The following PTBP3 variants were observed in gnomAD, a reference collection of about 807,000 sequenced individuals.
PTBP3 encodes the protein polypyrimidine tract binding protein 3.
PTBP3 carries 20 observed loss-of-function variants against 58.7 expected under a neutral mutation model. The observed-to-expected ratio is 0.34, with a 90% CI of 0.24 to 0.50. PTBP3 has a LOEUF of 0.50. Among genes scored for constraint, PTBP3 ranks in the 20% least tolerant of loss-of-function variants. PTBP3 has a pLI of 0.98. For synonymous variants in PTBP3, 185 were observed against 219.8 expected (o/e 0.84, Z 1.40); for missense variants, 509 against 637.2 (o/e 0.80, Z 2.17).
chr9:112,379,210 G>A, the PTBP3 span, among the ~76,000 whole-genome samples: 1 of 152,130 alleles, frequency 6.6e-6, no homozygotes, highest in African/African-American at 2.4e-5. Context: ...AAAAACAAAG[G>A]AGAGAGTACA....
chr9:112,253,230 A>G (rs2132085412), intron 5 of PTBP3, among the ~76,000 whole-genome samples: 1 of 152,356 alleles, frequency 6.6e-6, no homozygotes, highest in Middle Eastern at 3.4e-3. Flanking sequence ...AGTAAACAAA[A>G]CAGAGACAAA....
At chr9:112,326,945 T>C (rs1362818392) in intron 1 of PTBP3, among the ~76,000 whole-genome samples, 1 of 152,164 alleles carries the variant, frequency 6.6e-6, no homozygotes, top group Non-Finnish European at 1.5e-5. Context: ...TGCTTGGGTG[T>C]GGTGGCTCAC....
At chr9:112,236,997 C>T (rs1835463381) in intron 7 of PTBP3, among the ~76,000 whole-genome samples, 1 of 152,024 alleles carries the variant, frequency 6.6e-6, no homozygotes, top group South Asian at 2.1e-4. Context: ...TAAAGGACAG[C>T]AAAGTGGCTA....
chr9:112,366,544 T>G, the PTBP3 span, among the ~76,000 whole-genome samples: 1 of 152,050 alleles, frequency 6.6e-6, no homozygotes, highest in Non-Finnish European at 1.5e-5. Context: ...CAAACCCCAA[T>G]CCTCGGAAGC....
At chr9:112,246,859 G>C (rs1349126306) in intron 7 of PTBP3, among the ~76,000 whole-genome samples, 1 of 152,018 alleles carries the variant, frequency 6.6e-6, no homozygotes, top group Non-Finnish European at 1.5e-5. Context: ...ACAAGAAAAA[G>C]GATAAATTAA....
chr9:112,259,971 G>T (rs1035938300), intron 5 of PTBP3, among the ~76,000 whole-genome samples: 2 of 151,980 alleles, frequency 1.3e-5, no homozygotes, highest in Non-Finnish European at 2.9e-5. Context: ...CTGCCCAGGT[G>T]GTCTCAGCTC....
chr9:112,367,806 G>A, the PTBP3 span, among the ~76,000 whole-genome samples: 2 of 152,044 alleles, frequency 1.3e-5, no homozygotes, highest in African/African-American at 4.8e-5. Flanking sequence ...GATTCTTTGG[G>A]TTTCATGGAT....
chr9:112,292,484 T>G (rs1415070487), intron 2 of PTBP3, among the ~76,000 whole-genome samples: 4 of 152,226 alleles, frequency 2.6e-5, no homozygotes, highest in Non-Finnish European at 4.4e-5. Flanking sequence ...CCATGTTCAC[T>G]GCAGCGTTAC....
intron 2 of PTBP3, among the ~76,000 whole-genome samples, chr9:112,290,705 T>TACACACACACACACACACAC (rs1418787518): frequency 5.5e-5 from 4 of 72,986 alleles, no homozygotes; most frequent in Admixed American, 1.6e-4. Flanking sequence ...TATATATATA[T>TACACACACACACACACACAC]ATACACACAC....
chr9:112,243,345 A>T (rs1835737879), intron 7 of PTBP3, among the ~76,000 whole-genome samples: 2 of 152,148 alleles, frequency 1.3e-5, no homozygotes, highest in Admixed American at 1.3e-4. Flanking sequence ...ATTTGAGACC[A>T]GGCTGGCCAA....
chr9:112,279,675 CCTACAGATTA>C (rs1827773172), intron 2 of PTBP3, among the ~76,000 whole-genome samples: 2 of 151,920 alleles, frequency 1.3e-5, no homozygotes, highest in African/African-American at 4.8e-5. Context: ...CAATCTGAAC[CCTACAGATTA>C]CTACAGCTTT....
intron 1 of PTBP3, among the ~76,000 whole-genome samples, chr9:112,311,236 T>C (rs1168285951): frequency 6.6e-6 from 1 of 151,998 alleles, no homozygotes; most frequent in Non-Finnish European, 1.5e-5. Context: ...ACCGTATCCA[T>C]GGGTTCTGCA....
At chr9:112,378,353 T>C in the PTBP3 span, among the ~76,000 whole-genome samples, 4 of 152,382 alleles carry the variant, frequency 2.6e-5, no homozygotes, top group South Asian at 6.2e-4. Context: ...TCACAAAATA[T>C]CGTTATGACT....
intron 5 of PTBP3, 115 bp from the exon 6 acceptor site, chr9:112,252,903 T>C (rs766209169): frequency 1.5e-6 from 1 of 667,550 alleles, no homozygotes; most frequent in South Asian, 2.0e-5. Flanking sequence ...CTTGAAAACT[T>C]TGGTACCAAA....
chr9:112,264,668 T>C (rs1192756075), intron 4 of PTBP3, among the ~76,000 whole-genome samples: 1 of 152,208 alleles, frequency 6.6e-6, no homozygotes, highest in Non-Finnish European at 1.5e-5. Flanking sequence ...ATGTAGGACT[T>C]TGAATTTTTA....
intron 2 of PTBP3, among the ~76,000 whole-genome samples, chr9:112,291,047 C>T (rs144005246): frequency 0.011 from 1,661 of 152,082 alleles, 31 homozygotes; most frequent in African/African-American, 0.038. Flanking sequence ...CAAGGTGAAA[C>T]CCCACTTCTA....
intron 1 of PTBP3, among the ~76,000 whole-genome samples, chr9:112,314,885 G>A (rs959748486): frequency 5.4e-5 from 8 of 149,220 alleles, no homozygotes; most frequent in African/African-American, 1.2e-4. Flanking sequence ...AGGCTGGAGT[G>A]CAGTGGCGCG....
At position 112,223,197 on chromosome 9, in the gene PTBP3, T is replaced by C. The variant is rs1488780465; in HGVS notation, c.*654A>G. On this transcript the variant is annotated 3_prime_UTR_variant, in exon 14 of 14. Transcript: ENST00000374257. The stretch of plus-strand genomic sequence containing the variant: ...AGCTGAGACACTGCATTTTTCCAAA[T>C]AGTCTTAAAAAGTTAAAGATAGGCA... 2 of 928,942 alleles carry C rather than the reference T, an allele frequency of 2.2e-6. No homozygotes were observed. Among genetic ancestry groups the C allele is most frequent in the African/African-American group, 3.6e-5 (2 of 56,136 alleles). The allele number at this position is 928,942 out of a possible 1,614,324, so 57.5% of individuals were successfully genotyped here. A position where few individuals can be genotyped will look rare whatever the true frequency, so the allele number is the denominator to read the frequency against.
At chr9:112,356,758 GGAAA>G in the PTBP3 span, among the ~76,000 whole-genome samples, 1 of 147,978 alleles carries the variant, frequency 6.8e-6, no homozygotes, top group Non-Finnish European at 1.5e-5. Flanking sequence ...GAGATATAAG[GGAAA>G]GACTCAAGAG....
Sources: allele counts gnomAD v4.1 joint callset (sites outside exome capture counted in the v4.1 genomes callset), GRCh38; gene constraint gnomAD v4.1.1; transcripts MANE v1.5; gene names NCBI Gene and HGNC (gene_info 2026-07-23, HGNC 2026-07-21).